KAZN: variants seen among roughly 807,000 people sequenced by gnomAD.
KAZN encodes the protein kazrin.
A neutral mutation model predicts 87.4 loss-of-function variants in KAZN; 40 were observed. That is an observed-to-expected ratio of 0.46 (90% CI 0.36 to 0.60). KAZN has a LOEUF of 0.60. Among genes scored for constraint, KAZN ranks in the 20% least tolerant of loss-of-function variants. The pLI is 0.00. For missense variants in KAZN, 898 were observed against 1,073.9 expected, an observed-to-expected ratio of 0.84 and a Z score of 2.29; for synonymous variants, 466 against 458.3, an observed-to-expected ratio of 1.02 and a Z score of -0.22.
chr1:14,530,593 C>T (rs927968127), intron 2 of KAZN, among the ~76,000 whole-genome samples: 1 of 151,960 alleles, frequency 6.6e-6, no homozygotes, highest in African/African-American at 2.4e-5. Context: ...ACCTGACTTC[C>T]GGTTGTTTAA....
intron 2 of KAZN, among the ~76,000 whole-genome samples, chr1:14,232,974 A>G (rs1453422934): frequency 6.6e-6 from 1 of 152,166 alleles, no homozygotes; most frequent in African/African-American, 2.4e-5. Context: ...CATATTTAAA[A>G]TGTTTTATTT....
chr1:14,946,918 C>G (rs1027672900), intron 1 of KAZN, among the ~76,000 whole-genome samples: 1 of 152,162 alleles, frequency 6.6e-6, no homozygotes, highest in African/African-American at 2.4e-5. Context: ...AATAGAAATG[C>G]CTGTTCTTTC....
At chr1:14,899,380 G>T (rs367910754) in intron 1 of KAZN, among the ~76,000 whole-genome samples, 2 of 152,118 alleles carry the variant, frequency 1.3e-5, no homozygotes, top group Admixed American at 1.3e-4. Context: ...CTTTTCCCAG[G>T]GTTTTAAGAT....
Position 14,555,560 on chromosome 1 carries a change from T to A in KAZN, c.250-43423T>A, listed in dbSNP as rs184671777. On this transcript the variant is annotated intron_variant, in intron 2 of 16. Transcript: ENST00000636203. The stretch of plus-strand genomic sequence containing the variant: ...TTTAAAAACAGGAATATTTTTGACA[T>A]CCCTGGAGATCAAAATGCCGTGTAG... Among the ~76,000 whole-genome samples the A allele has an allele frequency of 1.2e-3, 177 of 152,270 alleles. 4 individuals carry two copies. The highest frequency in any genetic ancestry group is 6.8e-3 in the Middle Eastern group (2 of 294).
At chr1:14,533,539 T>C (rs186416551) in intron 2 of KAZN, among the ~76,000 whole-genome samples, 347 of 152,338 alleles carry the variant, frequency 2.3e-3, no homozygotes, top group African/African-American at 8.0e-3. Flanking sequence ...GTATTTATGA[T>C]TGTGTCGGCA....
intron 1 of KAZN, among the ~76,000 whole-genome samples, chr1:14,796,745 C>G (rs1645840928): frequency 6.6e-6 from 1 of 152,232 alleles, no homozygotes; most frequent in African/African-American, 2.4e-5. Context: ...GTCCTCGCCC[C>G]CATCACCTGA....
intron 1 of KAZN, among the ~76,000 whole-genome samples, chr1:14,629,022 T>C (rs1357549253): frequency 6.6e-6 from 1 of 151,930 alleles, no homozygotes; most frequent in Non-Finnish European, 1.5e-5. Flanking sequence ...AATTTTTGTG[T>C]TTTTACTGGA....
intron 1 of KAZN, among the ~76,000 whole-genome samples, chr1:14,957,447 G>A (rs545809688): frequency 9.2e-5 from 14 of 152,192 alleles, no homozygotes; most frequent in East Asian, 1.9e-4. Flanking sequence ...TGTTTCCAGC[G>A]CTGAAGACCC....
chr1:14,556,006 A>G (rs993880325), intron 2 of KAZN, among the ~76,000 whole-genome samples: 3 of 152,164 alleles, frequency 2.0e-5, no homozygotes, highest in Admixed American at 1.3e-4. Context: ...CCAACTCCCC[A>G]TTCGGTGATA....
chr1:14,121,779 A>T (rs1644756627), intron 1 of KAZN, among the ~76,000 whole-genome samples: 1 of 152,226 alleles, frequency 6.6e-6, no homozygotes, highest in Non-Finnish European at 1.5e-5. Context: ...AGATCAGGGT[A>T]GAGGGTTCCA....
chr1:14,867,571 C>A (rs1651611169), intron 1 of KAZN, among the ~76,000 whole-genome samples: 1 of 152,162 alleles, frequency 6.6e-6, no homozygotes, highest in African/African-American at 2.4e-5. Flanking sequence ...CGCAAGGACG[C>A]CGAGAGGATG....
chr1:14,301,787 T>A (rs1051842171), intron 2 of KAZN, among the ~76,000 whole-genome samples: 4 of 152,164 alleles, frequency 2.6e-5, no homozygotes, highest in African/African-American at 7.2e-5. Context: ...AGGTACTCCT[T>A]CCTTTCCCTA....
chr1:15,030,706 T>C (rs964100942), intron 2 of KAZN, among the ~76,000 whole-genome samples: 2 of 152,304 alleles, frequency 1.3e-5, no homozygotes, highest in East Asian at 3.9e-4. Context: ...ACCCGCTGCC[T>C]GGCAGGAGTG....
chr1:14,693,775 G>A (rs1479005064), intron 1 of KAZN, among the ~76,000 whole-genome samples: 1 of 152,178 alleles, frequency 6.6e-6, no homozygotes, highest in South Asian at 2.1e-4. Flanking sequence ...ATGTTTCAGG[G>A]AAGGGACCAG....
intron 2 of KAZN, among the ~76,000 whole-genome samples, chr1:14,323,122 C>G (rs1454395912): frequency 6.6e-6 from 1 of 152,058 alleles, no homozygotes; most frequent in South Asian, 2.1e-4. Context: ...TTACCTCAAC[C>G]TAGTCTCTCC....
intron 2 of KAZN, among the ~76,000 whole-genome samples, chr1:14,436,675 A>AC (rs952375471): frequency 2.8e-5 from 4 of 143,728 alleles, no homozygotes; most frequent in African/African-American, 1.0e-4. Flanking sequence ...CTGAGATTGC[A>AC]CCACTGCACT....
chr1:14,053,759 C>T (rs1642435242), intron 1 of KAZN, among the ~76,000 whole-genome samples: 1 of 152,198 alleles, frequency 6.6e-6, no homozygotes, highest in Admixed American at 6.5e-5. Context: ...GAGGCACTGA[C>T]CTCCTTCACA....
intron 2 of KAZN, among the ~76,000 whole-genome samples, chr1:14,514,595 T>TTATATATATA (rs754845099): frequency 9.0e-5 from 6 of 66,532 alleles, no homozygotes; most frequent in Admixed American, 3.1e-4. Flanking sequence ...TTTTTATATT[T>TTATATATATA]TATATATATA....
intron 2 of KAZN, among the ~76,000 whole-genome samples, chr1:14,376,335 T>C (rs1277188155): frequency 6.6e-6 from 1 of 152,098 alleles, no homozygotes; most frequent in Non-Finnish European, 1.5e-5. Context: ...ATGGGACCAT[T>C]AGGAGGTAAC....
Sources: allele counts gnomAD v4.1 joint callset (sites outside exome capture counted in the v4.1 genomes callset), GRCh38; gene constraint gnomAD v4.1.1; transcripts MANE v1.5; gene names NCBI Gene and HGNC (gene_info 2026-07-23, HGNC 2026-07-21).